PCDH15: variants seen among roughly 807,000 people sequenced by gnomAD.
PCDH15 encodes the protein protocadherin related 15, also known as protocadherin-15.
A neutral mutation model predicts 178.5 loss-of-function variants in PCDH15; 129 were observed. The ratio of observed to expected loss-of-function variants is 0.72; its 90% confidence interval spans 0.63 to 0.84. PCDH15 has a LOEUF of 0.84. Among genes scored for constraint, PCDH15 ranks in the 40% least tolerant of loss-of-function variants. The pLI is 0.00. For synonymous variants in PCDH15, 800 were observed against 732.0 expected (o/e 1.09, Z -1.50); for missense variants, 2,230 against 2,099.9 (o/e 1.06, Z -1.21).
Position 53,823,037 on chromosome 10 carries a change from C to G in PCDH15, c.4368-2807G>C, listed in dbSNP as rs2132506535. 1 of 1,614,046 alleles carries G rather than the reference C, an allele frequency of 6.2e-7. No individual in the cohort carries two copies. Among genetic ancestry groups the G allele is most frequent in the East Asian group, 2.2e-5 (1 of 44,850 alleles). ...TCTGAATCTTTTCTCTTGGGCCCCT[C>G]AGAGACTTACTCTTGGCTTGTATTT... On this transcript the variant is annotated intron_variant, in intron 32 of 37. Coordinates refer to ENST00000644397, the MANE Select transcript of PCDH15 (RefSeq NM_001384140.1).
intron 3 of PCDH15, among the ~76,000 whole-genome samples, chr10:54,507,356 T>C (rs2081258177): frequency 6.6e-6 from 1 of 151,538 alleles, no homozygotes; most frequent in South Asian, 2.1e-4. Context: ...ACATGCTATA[T>C]ATATATATGC....
rs919380715 is a variant in PCDH15, at chr10:53,857,273, G to A, written c.3718-10C>T. The stretch of plus-strand genomic sequence containing the variant: ...GATTGACCACGGAGACCTGAAAGAA[G>A]AAAAAACAGAATTCATTTAATTTTT... On this transcript the variant is annotated splice_polypyrimidine_tract_variant and intron_variant, in intron 27 of 37. Coordinates refer to ENST00000644397, the MANE Select transcript of PCDH15 (RefSeq NM_001384140.1). The A allele has an allele frequency of 1.4e-5, 22 of 1,596,224 alleles. No homozygotes were observed. The highest frequency in any genetic ancestry group is 2.7e-5 in the African/African-American group (2 of 74,370).
At chr10:55,562,802 T>C (rs1297794545) in intron 2 of PCDH15, among the ~76,000 whole-genome samples, 2 of 151,940 alleles carry the variant, frequency 1.3e-5, no homozygotes, top group African/African-American at 2.4e-5. Flanking sequence ...CACGGAAACA[T>C]TGTGAAAGAG....
chr10:55,355,684 C>T (rs1055625597), intron 2 of PCDH15, among the ~76,000 whole-genome samples: 1 of 151,854 alleles, frequency 6.6e-6, no homozygotes, highest in Non-Finnish European at 1.5e-5. Context: ...CGTTTTCTCT[C>T]AGTTTGTAGC....
chr10:55,001,119 A>T (rs1250231037), intron 2 of PCDH15, among the ~76,000 whole-genome samples: 2 of 152,132 alleles, frequency 1.3e-5, no homozygotes, highest in Non-Finnish European at 2.9e-5. Context: ...GCCTGTGGAA[A>T]GGAGCTACCC....
intron 2 of PCDH15, among the ~76,000 whole-genome samples, chr10:55,438,066 C>T (rs1839089017): frequency 6.6e-6 from 1 of 151,818 alleles, no homozygotes; most frequent in Admixed American, 6.6e-5. Context: ...AACTACCGAC[C>T]TCAGGTGATC....
At chr10:55,299,145 C>A (rs1843206164) in intron 1 of PCDH15, among the ~76,000 whole-genome samples, 1 of 152,074 alleles carries the variant, frequency 6.6e-6, no homozygotes, top group African/African-American at 2.4e-5. Flanking sequence ...CTGGTTTCGT[C>A]CCATTTTATG....
chr10:55,039,903 C>T (rs1591851931), intron 2 of PCDH15, among the ~76,000 whole-genome samples: 1 of 151,930 alleles, frequency 6.6e-6, no homozygotes, highest in Non-Finnish European at 1.5e-5. Context: ...GTCAAGTCTA[C>T]ACAAAAGTGA....
intron 2 of PCDH15, among the ~76,000 whole-genome samples, chr10:55,064,194 T>C (rs1841506214): frequency 6.6e-6 from 1 of 152,168 alleles, no homozygotes; most frequent in African/African-American, 2.4e-5. Flanking sequence ...TTTTTGACTC[T>C]TCTTAGGGCC....
At chr10:54,233,245 C>T (rs1241463384) in intron 9 of PCDH15, among the ~76,000 whole-genome samples, 5 of 152,094 alleles carry the variant, frequency 3.3e-5, no homozygotes, top group Admixed American at 2.6e-4. Context: ...CAGATGGCCT[C>T]CCTTCTGCTC....
intron 2 of PCDH15, among the ~76,000 whole-genome samples, chr10:55,444,112 C>T (rs1032043100): frequency 3.4e-5 from 5 of 148,594 alleles, no homozygotes; most frequent in African/African-American, 9.9e-5. Context: ...GGGAGAGGAA[C>T]ATCACACACC....
At chr10:54,839,871 T>C (rs1953386815) in intron 3 of PCDH15, among the ~76,000 whole-genome samples, 1 of 151,566 alleles carries the variant, frequency 6.6e-6, no homozygotes, top group Admixed American at 6.6e-5. Context: ...TTCAAAGTGC[T>C]GAAGGAAAAA....
intron 2 of PCDH15, among the ~76,000 whole-genome samples, chr10:55,387,125 G>C (rs1467844919): frequency 1.3e-5 from 2 of 152,004 alleles, no homozygotes; most frequent in African/African-American, 2.4e-5. Flanking sequence ...AAAGTAAGAA[G>C]AACAAAATAA....
chr10:54,208,681 G>T (rs1227751050), intron 10 of PCDH15, among the ~76,000 whole-genome samples: 1 of 152,046 alleles, frequency 6.6e-6, no homozygotes, highest in African/African-American at 2.4e-5. Context: ...CCAGTCTTTT[G>T]TACTTTGTTA....
intron 1 of PCDH15, among the ~76,000 whole-genome samples, chr10:55,260,802 C>A (rs1335037120): frequency 6.6e-6 from 1 of 152,102 alleles, no homozygotes; most frequent in East Asian, 1.9e-4. Flanking sequence ...TAAGCAAAAT[C>A]TTTCTTTAAG....
intron 2 of PCDH15, chr10:54,897,628 C>T (rs1399439205): frequency 2.0e-5 from 3 of 152,092 alleles, no homozygotes; most frequent in Non-Finnish European, 1.5e-5. Context: ...CTGGTGTTTA[C>T]ATATTTTGTA....
At chr10:54,516,944 C>G (rs7092796) in intron 3 of PCDH15, among the ~76,000 whole-genome samples, 1,899 of 152,016 alleles carry the variant, frequency 0.012, 41 homozygotes, top group African/African-American at 0.043. Context: ...CCCAGAATTT[C>G]ATATCCAGCC....
intron 2 of PCDH15, among the ~76,000 whole-genome samples, chr10:54,951,719 C>T (rs1838344700): frequency 6.6e-6 from 1 of 151,806 alleles, no homozygotes; most frequent in Non-Finnish European, 1.5e-5. Context: ...TCCACTCTGA[C>T]ATTTGGTATT....
rs569757113 is a variant in PCDH15, at chr10:53,806,730, C to G, written c.5072G>C (p.Arg1691Thr). Residue 1691 changes from arginine (R) to threonine (T), a missense_variant, in exon 38 of 38, where the codon AGG becomes ACG. Physicochemically the swap from Arg to Thr is moderately conservative, Grantham distance 71. Transcript: ENST00000644397. ...CTCCTGTTCAACTGTGCTTTTCAGCCTGTTCCTTAGTGGCTTCACCGCTGT... is the reference window on the plus strand; with the variant it reads ...CTCCTGTTCAACTGTGCTTTTCAGCGTGTTCCTTAGTGGCTTCACCGCTGT... ...DNTAVKPLRNRLKSTVEQESM... is the reference protein window; with the variant it reads ...DNTAVKPLRNTLKSTVEQESM... The G allele has an allele frequency of 3.1e-6, 5 of 1,613,842 alleles. No homozygotes were observed. The African/African-American group carries it at 6.7e-5, about 22-fold the overall frequency.
Sources: gnomAD v4.1 joint callset for allele counts (sites outside exome capture counted in the v4.1 genomes callset) on GRCh38, gnomAD v4.1.1 for gene constraint, MANE v1.5 for transcripts, NCBI Gene and HGNC (gene_info 2026-07-23, HGNC 2026-07-21) for gene names.